The following NAALADL2 variants were observed in gnomAD, a reference collection of about 807,000 sequenced individuals.
NAALADL2 encodes N-acetylated alpha-linked acidic dipeptidase like 2.
NAALADL2 carries 76 observed loss-of-function variants against 87.2 expected under a neutral mutation model. The observed-to-expected ratio is 0.87, with a 90% CI of 0.72 to 1.05. NAALADL2 has a LOEUF of 1.05. Ranked by LOEUF, NAALADL2 falls within the 50% of genes least tolerant of loss-of-function variation. The probability of loss-of-function intolerance (pLI) is 0.00; values close to 1 mark genes in which losing one functional copy is unlikely to be tolerated. For synonymous variants in NAALADL2, 354 were observed against 331.0 expected (o/e 1.07, Z -0.75); for missense variants, 1,089 against 945.8 (o/e 1.15, Z -1.99).
chr3:175,454,094 T>C (rs1221394258), intron 6 of NAALADL2, among the ~76,000 whole-genome samples: 1 of 152,078 alleles, frequency 6.6e-6, no homozygotes, highest in Non-Finnish European at 1.5e-5. Context: ...TATATATGTC[T>C]CATTAATAGC....
At chr3:175,381,558 C>T (rs889017027) in intron 5 of NAALADL2, among the ~76,000 whole-genome samples, 1 of 151,972 alleles carries the variant, frequency 6.6e-6, no homozygotes, top group African/African-American at 2.4e-5. Context: ...GCTCTTTTTA[C>T]TAATGCATAT....
At chr3:174,716,012 T>C (rs1482463921) in intron 2 of NAALADL2, among the ~76,000 whole-genome samples, 1 of 152,202 alleles carries the variant, frequency 6.6e-6, no homozygotes, top group Non-Finnish European at 1.5e-5. Flanking sequence ...TTCTCATGTT[T>C]GCATGCATCT....
At chr3:175,146,433 CCT>C (rs781630769) in intron 2 of NAALADL2, among the ~76,000 whole-genome samples, 1 of 151,944 alleles carries the variant, frequency 6.6e-6, no homozygotes, top group East Asian at 1.9e-4. Context: ...TGAGTTTTCC[CCT>C]GTCTGCCCTC....
chr3:174,938,782 C>CT (rs974865623), intron 1 of NAALADL2, among the ~76,000 whole-genome samples: 12 of 151,860 alleles, frequency 7.9e-5, no homozygotes, highest in East Asian at 7.7e-4. Context: ...TGAAATTGGG[C>CT]TTTTTTTTAC....
intron 1 of NAALADL2, among the ~76,000 whole-genome samples, chr3:174,935,732 C>T (rs745904712): frequency 4.6e-5 from 7 of 152,008 alleles, no homozygotes; most frequent in East Asian, 1.9e-4. Flanking sequence ...TTCAGAGCTA[C>T]GGATTAGCTA....
chr3:175,202,331 T>C (rs1740167170), intron 2 of NAALADL2, among the ~76,000 whole-genome samples: 1 of 152,124 alleles, frequency 6.6e-6, no homozygotes, highest in Non-Finnish European at 1.5e-5. Context: ...CCCTCTTCCA[T>C]TTCCTCTCCT....
intron 5 of NAALADL2, among the ~76,000 whole-genome samples, chr3:175,399,216 A>G (rs1439102738): frequency 1.3e-5 from 2 of 152,234 alleles, no homozygotes; most frequent in Admixed American, 1.3e-4. Context: ...TACTGACTTT[A>G]AAGCAAAATT....
At chr3:175,490,109 G>T (rs1727843227) in intron 9 of NAALADL2, among the ~76,000 whole-genome samples, 1 of 152,092 alleles carries the variant, frequency 6.6e-6, no homozygotes. Flanking sequence ...CAAAAACAGA[G>T]CCAATGAGGT....
Position 174,995,490 on chromosome 3 carries a change from G to T in NAALADL2, c.44-101300G>T, listed in dbSNP as rs77541123. On this transcript the variant is annotated intron_variant, in intron 1 of 13. Coordinates refer to ENST00000454872, the MANE Select transcript of NAALADL2 (RefSeq NM_207015.3). ...TGAACAAGCATATCATTCACTTAGGGAGAGGTATTTGGGTTTGCTTTTCTG... is the reference window on the plus strand; with the variant it reads ...TGAACAAGCATATCATTCACTTAGGTAGAGGTATTTGGGTTTGCTTTTCTG... 2.0e-5 allele frequency among the ~76,000 whole-genome samples: 3 copies of T among 152,192 alleles called. No homozygotes were observed. In the South Asian group the frequency reaches 6.2e-4, roughly 32 times the overall value.
At chr3:175,796,746 T>A (rs1015813480) in intron 13 of NAALADL2, among the ~76,000 whole-genome samples, 3 of 152,214 alleles carry the variant, frequency 2.0e-5, no homozygotes, top group Admixed American at 6.5e-5. Context: ...TTATTTAGTG[T>A]GATTTCATTT....
intron 13 of NAALADL2, among the ~76,000 whole-genome samples, chr3:175,789,307 G>T (rs1030285019): frequency 6.6e-6 from 1 of 152,018 alleles, no homozygotes; most frequent in Non-Finnish European, 1.5e-5. Flanking sequence ...GATATGATGA[G>T]AGTTTCTGCG....
chr3:174,735,254 A>G (rs935803876), intron 2 of NAALADL2, among the ~76,000 whole-genome samples: 5 of 152,254 alleles, frequency 3.3e-5, no homozygotes, highest in African/African-American at 7.2e-5. Context: ...TTAAAATAAC[A>G]TATAATTATA....
chr3:174,749,922 A>G (rs1444922198), intron 3 of NAALADL2, among the ~76,000 whole-genome samples: 1 of 152,202 alleles, frequency 6.6e-6, no homozygotes, highest in African/African-American at 2.4e-5. Flanking sequence ...CTTTTCCAGA[A>G]ATTATGAAGT....
intron 10 of NAALADL2, among the ~76,000 whole-genome samples, chr3:175,581,973 G>A (rs1719850725): frequency 6.6e-6 from 1 of 152,230 alleles, no homozygotes; most frequent in Non-Finnish European, 1.5e-5. Context: ...CTGACAAACA[G>A]CATGAAGTAG....
At chr3:174,610,680 G>A (rs1719734723) in intron 2 of NAALADL2, among the ~76,000 whole-genome samples, 2 of 152,208 alleles carry the variant, frequency 1.3e-5, no homozygotes, top group Admixed American at 6.5e-5. Flanking sequence ...GTGCTGGAGA[G>A]GATGTGGAGA....
At chr3:175,013,220 TATATAA>T (rs1382027732) in intron 1 of NAALADL2, among the ~76,000 whole-genome samples, 1 of 116,794 alleles carries the variant, frequency 8.6e-6, no homozygotes, top group African/African-American at 3.1e-5. Context: ...TATATATTTA[TATATAA>T]ATATAAACAC....
At chr3:175,251,279 G>A (rs139315014) in intron 3 of NAALADL2, among the ~76,000 whole-genome samples, 3 of 152,134 alleles carry the variant, frequency 2.0e-5, no homozygotes, top group East Asian at 3.9e-4. Context: ...TTGCTGTTGT[G>A]TTTAGTTCCT....
intron 2 of NAALADL2, among the ~76,000 whole-genome samples, chr3:174,632,381 A>T (rs1295477098): frequency 1.3e-5 from 2 of 152,208 alleles, no homozygotes; most frequent in Non-Finnish European, 2.9e-5. Flanking sequence ...CACGTTGATT[A>T]CATTAAAGTT....
chr3:174,844,789 A>AT (rs1724402449), intron 3 of NAALADL2, among the ~76,000 whole-genome samples: 2 of 93,436 alleles, frequency 2.1e-5, no homozygotes, highest in South Asian at 3.6e-4. Flanking sequence ...TGGTGCATTG[A>AT]TTTTTTATCC....
Sources: allele counts gnomAD v4.1 joint callset (sites outside exome capture counted in the v4.1 genomes callset), GRCh38; gene constraint gnomAD v4.1.1; transcripts MANE v1.5; gene names NCBI Gene and HGNC (gene_info 2026-07-23, HGNC 2026-07-21).